The following STEAP4 variants were observed in gnomAD, a reference collection of about 807,000 sequenced individuals.
STEAP4 encodes STEAP4 metalloreductase, also known as metalloreductase STEAP4.
A neutral mutation model predicts 43.6 loss-of-function variants in STEAP4; 36 were observed. The ratio of observed to expected loss-of-function variants is 0.83; its 90% CI spans 0.63 to 1.09. The LOEUF (loss-of-function observed/expected upper bound fraction) is 1.09. Among genes scored for constraint, STEAP4 ranks in the 50% least tolerant of loss-of-function variants. The probability of loss-of-function intolerance (pLI) is 0.00; values close to 1 mark genes in which losing one functional copy is unlikely to be tolerated. For missense variants in STEAP4, 495 were observed against 546.5 expected, an observed-to-expected ratio of 0.91 and a Z score of 0.94; for synonymous variants, 191 against 196.7, an observed-to-expected ratio of 0.97 and a Z score of 0.24.
chr7:88,292,117 G>C (rs1447644820), intron 1 of STEAP4: 3 of 152,344 alleles, frequency 2.0e-5, no homozygotes, highest in Admixed American at 2.0e-4. Context: ...GTGTGTATGT[G>C]AGTGTGTGTG....
chr7:88,282,485 A>G, intron 3 of STEAP4, 156 bp downstream of exon 3: 1 of 792,404 alleles, frequency 1.3e-6, no homozygotes, highest in African/African-American at 1.7e-5. Flanking sequence ...TCTAAACTGG[A>G]TTCATTTTAA....
At chr7:88,285,381 T>C (rs1852711908) in intron 1 of STEAP4, among the ~76,000 whole-genome samples, 1 of 152,194 alleles carries the variant, frequency 6.6e-6, no homozygotes, top group Non-Finnish European at 1.5e-5. Context: ...TGTTCTTGGA[T>C]GGCAAGGCTC....
rs1586739999 is a variant in STEAP4 at position 88,275,636 on chromosome 7, T to TGTGTGTGTGG, written c.*3761_*3762insCCACACACAC. ...GTGTGTGTGTGTGTGTGTGTGTGTG[T>TGTGTGTGTGG]TGGAGAAGTGGTAGTGAAGATGATG... On this transcript the variant is annotated 3_prime_UTR_variant, in exon 5 of 5. Coordinates refer to ENST00000380079, the MANE Select transcript of STEAP4 (RefSeq NM_024636.4). 6.7e-6 allele frequency: 1 copy of TGTGTGTGTGG among 150,322 alleles called. No individual in the cohort carries two copies. The highest frequency in any genetic ancestry group is 1.5e-5 in the Non-Finnish European group (1 of 68,466). The allele number at this position is 150,322 out of a possible 1,614,324, so 9.3% of individuals were successfully genotyped here.
intron 1 of STEAP4, among the ~76,000 whole-genome samples, chr7:88,288,638 G>T (rs909169922): frequency 1.3e-5 from 2 of 151,994 alleles, no homozygotes; most frequent in Non-Finnish European, 2.9e-5. Context: ...ATGCAAAACC[G>T]CTAAGCAATG....
At chr7:88,287,121 T>C (rs1852750252) in intron 1 of STEAP4, among the ~76,000 whole-genome samples, 1 of 151,992 alleles carries the variant, frequency 6.6e-6, no homozygotes, top group Non-Finnish European at 1.5e-5. Context: ...ACTCACCAAA[T>C]CAGACACCTT....
At chr7:88,293,271 C>T (rs1194146444) in intron 1 of STEAP4, among the ~76,000 whole-genome samples, 2 of 151,942 alleles carry the variant, frequency 1.3e-5, no homozygotes, top group Non-Finnish European at 2.9e-5. Flanking sequence ...TGAGAAGTCT[C>T]TTCATGTATT....
rs943360078 is a variant in STEAP4 at position 88,272,981 on chromosome 7, T to C, written c.*6417A>G. ...TTGGTAGCAGATCTCTTCTGCTTTT[T>C]TATTTTCTAAAACTGACAAATAACA... On this transcript the variant is annotated 3_prime_UTR_variant, in exon 5 of 5. Transcript: ENST00000380079. The C allele has an allele frequency of 3.9e-5, 6 of 152,244 alleles. No homozygotes were observed. The highest frequency in any genetic ancestry group is 1.4e-4 in the African/African-American group (6 of 41,478). 9.4% of individuals were successfully genotyped at this position (152,244 alleles called of 1,614,324 possible).
chr7:88,289,551 C>T (rs551118002), intron 1 of STEAP4, among the ~76,000 whole-genome samples: 2 of 152,224 alleles, frequency 1.3e-5, no homozygotes, highest in East Asian at 1.9e-4. Flanking sequence ...ATATTCTTAC[C>T]GGAGCTTATC....
rs561327227 is a variant in STEAP4, at chr7:88,301,534, C to T, written c.-3+5258G>A. ...TCAAGTGATTCTCCTACCTCAGCCT[C>T]CTAAAGTGCTGGGATTATAGGTGTG... On this transcript the variant is annotated intron_variant, in intron 1 of 4. Coordinates refer to ENST00000380079, the MANE Select transcript of STEAP4 (RefSeq NM_024636.4). Among the ~76,000 whole-genome samples the T allele has an allele frequency of 7.2e-5, 11 of 152,288 alleles. No homozygotes were observed. In the South Asian group the frequency reaches 2.3e-3, roughly 32 times the overall value.
At position 88,286,809 on chromosome 7, in the gene STEAP4, G is replaced by A. The variant is rs79746593; in HGVS notation, c.-2-2538C>T. Among the ~76,000 whole-genome samples, 264 of 68,598 alleles carry A rather than the reference G, an allele frequency of 3.8e-3. 2 individuals carry two copies. The highest frequency in any genetic ancestry group is 9.1e-3 in the African/African-American group (209 of 22,968). The allele number at this position is 68,598 out of a possible 152,430, so 45.0% of individuals were successfully genotyped here. ...CACACACACACACACACACACACAC[G>A]CAAACAATGTAAGATGAACAGAAGG... On this transcript the variant is annotated intron_variant, in intron 1 of 4. Coordinates refer to ENST00000380079, the MANE Select transcript of STEAP4 (RefSeq NM_024636.4).
At chr7:88,293,503 G>A (rs1419195824) in intron 1 of STEAP4, among the ~76,000 whole-genome samples, 1 of 151,646 alleles carries the variant, frequency 6.6e-6, no homozygotes. Context: ...TTCATGGATT[G>A]CGCTTTCAGT....
intron 1 of STEAP4, among the ~76,000 whole-genome samples, chr7:88,288,638 G>A (rs909169922): frequency 2.0e-5 from 3 of 151,994 alleles, no homozygotes; most frequent in Admixed American, 6.6e-5. Flanking sequence ...ATGCAAAACC[G>A]CTAAGCAATG....
intron 1 of STEAP4, among the ~76,000 whole-genome samples, chr7:88,288,985 T>C (rs1302705734): frequency 1.3e-5 from 2 of 152,186 alleles, no homozygotes; most frequent in East Asian, 3.8e-4. Flanking sequence ...ATTGAATTTT[T>C]CTCAAAAATG....
In STEAP4 at chr7:88,273,142, G is replaced by A. The variant is rs1478575524; in HGVS notation, c.*6256C>T. 6.6e-6 allele frequency: 1 copy of A among 152,064 alleles called. No individual in the cohort carries two copies. The highest frequency in any genetic ancestry group is 1.9e-4 in the East Asian group (1 of 5,192). 9.4% of individuals were successfully genotyped at this position (152,064 alleles called of 1,614,324 possible). A position where few individuals can be genotyped will look rare whatever the true frequency, so the allele number is the denominator to read the frequency against. On this transcript the variant is annotated 3_prime_UTR_variant, in exon 5 of 5. Coordinates refer to ENST00000380079, the MANE Select transcript of STEAP4 (RefSeq NM_024636.4). ...GTTGGGAACAGTCAATGTCCTCCTG[G>A]CTATTTGAAATTATATGTTATTTTT...
rs983807990 is a variant in STEAP4 at position 88,273,107 on chromosome 7, A to G, written c.*6291T>C. The G allele has an allele frequency of 6.6e-6, 1 of 152,176 alleles. No homozygotes were observed. Among genetic ancestry groups the G allele is most frequent in the Non-Finnish European group, 1.5e-5 (1 of 68,032 alleles). 9.4% of individuals were successfully genotyped at this position (152,176 alleles called of 1,614,324 possible). A position where few individuals can be genotyped will look rare whatever the true frequency, so the allele number is the denominator to read the frequency against. On this transcript the variant is annotated 3_prime_UTR_variant, in exon 5 of 5. Transcript: ENST00000380079. ...ATATCCATCATTGCAAACATTTATC[A>G]TTTCTTTGTGTTGGGAACAGTCAAT...
chr7:88,301,596 T>C (rs77530097), intron 1 of STEAP4, among the ~76,000 whole-genome samples: 1 of 151,212 alleles, frequency 6.6e-6, no homozygotes, highest in Non-Finnish European at 1.5e-5. Context: ...TTTTTTTTTT[T>C]CCAGACAGCT....
At position 88,279,537 on chromosome 7, in the gene STEAP4, C is replaced by A. The variant is rs1287235050; in HGVS notation, c.1241G>T (p.Trp414Leu). The A allele has an allele frequency of 6.2e-7, 1 of 1,614,066 alleles. No individual in the cohort carries two copies. Among genetic ancestry groups the A allele is most frequent in the Non-Finnish European group, 8.5e-7 (1 of 1,180,002 alleles). Residue 414 changes from tryptophan (W) to leucine (L), a missense_variant, in exon 5 of 5, where the codon TGG becomes TTG. Trp to Leu is a moderately conservative substitution (Grantham distance 61, BLOSUM62 -2). Transcript: ENST00000380079. Reference protein sequence around the residue: ...KRFLSPSNLRWYLPAAYVLGL... With the variant: ...KRFLSPSNLRLYLPAAYVLGL... Reference sequence around the variant, plus strand: ...TAACACGTAGGCTGCAGGAAGATACCATCTGAGATTTGAAGGGCTGAGGAA... The same window carrying A: ...TAACACGTAGGCTGCAGGAAGATACAATCTGAGATTTGAAGGGCTGAGGAA...
chr7:88,283,926 T>C lies in STEAP4; in HGVS notation c.344A>G (p.Glu115Gly), dbSNP rs1481316678. The change falls in exon 2 of 5, where the codon GAA (glutamate) becomes GGA (glycine). Residue 115 changes from glutamate to glycine, a missense_variant. Physicochemically the swap from Glu to Gly is moderately conservative, Grantham distance 98 (BLOSUM62 -2). Transcript: ENST00000380079. ...SNNLKINQYP[E>G]SNAEYLAHLV... ...ATGAGCAAGGTACTCTGCATTAGAT[T>C]CTGGATATTGATTGATTTTGAGGTT... is the stretch of plus-strand genomic sequence containing the variant. The C allele has an allele frequency of 6.2e-7, 1 of 1,614,028 alleles. No individual in the cohort carries two copies. Among genetic ancestry groups the C allele is most frequent in the Non-Finnish European group, 8.5e-7 (1 of 1,180,028 alleles).
intron 1 of STEAP4, among the ~76,000 whole-genome samples, chr7:88,298,510 C>A (rs1852969914): frequency 6.8e-6 from 1 of 147,230 alleles, no homozygotes; most frequent in East Asian, 2.0e-4. Flanking sequence ...CACACACACA[C>A]CTTTTACTCC....
Sources: allele counts gnomAD v4.1 joint callset (sites outside exome capture counted in the v4.1 genomes callset), GRCh38; gene constraint gnomAD v4.1.1; transcripts MANE v1.5; gene names NCBI Gene and HGNC (gene_info 2026-07-23, HGNC 2026-07-21).